Variants in AUTS2 observed in about 807,000 individuals in gnomAD.
AUTS2 encodes the protein activator of transcription and developmental regulator AUTS2.
In AUTS2, 17 loss-of-function variants were observed where a neutral mutation model predicts 112.4. The ratio of observed to expected loss-of-function variants is 0.15; its 90% CI spans 0.10 to 0.23. The LOEUF is 0.23. Ranked by LOEUF, AUTS2 falls within the 10% of genes least tolerant of loss-of-function variation. The pLI is 1.00. For missense variants in AUTS2, 1,510 were observed against 1,701.6 expected, an observed-to-expected ratio of 0.89 and a Z score of 1.98; for synonymous variants, 751 against 702.7, an observed-to-expected ratio of 1.07 and a Z score of -1.09.
At chr7:70,738,687 G>A (rs7803932) in intron 6 of AUTS2, among the ~76,000 whole-genome samples, 23,142 of 151,972 alleles carry the variant, frequency 0.15, 1,900 homozygotes, top group African/African-American at 0.19. Flanking sequence ...CCGGAGGAGC[G>A]GTGACAGTCC....
intron 5 of AUTS2, among the ~76,000 whole-genome samples, chr7:70,648,890 A>T (rs1476592961): frequency 6.6e-6 from 1 of 152,194 alleles, no homozygotes; most frequent in Non-Finnish European, 1.5e-5. Context: ...CCAGCCCTGG[A>T]AGGAACCTTT....
intron 1 of AUTS2, among the ~76,000 whole-genome samples, chr7:69,669,674 T>A (rs2129153058): frequency 6.6e-6 from 1 of 152,322 alleles, no homozygotes; most frequent in Non-Finnish European, 1.5e-5. Context: ...TAACTCTGGC[T>A]TCAAATGCTT....
intron 1 of AUTS2, among the ~76,000 whole-genome samples, chr7:69,803,036 A>G (rs549830892): frequency 6.6e-6 from 1 of 152,306 alleles, no homozygotes; most frequent in African/African-American, 2.4e-5. Flanking sequence ...CGTTGTCCAC[A>G]TGACAGTTTG....
At chr7:70,710,961 T>C (rs1810015397) in intron 6 of AUTS2, among the ~76,000 whole-genome samples, 1 of 152,258 alleles carries the variant, frequency 6.6e-6, no homozygotes, top group African/African-American at 2.4e-5. Flanking sequence ...ATCAGTTTGA[T>C]TTCTACCCCC....
rs548116510 is a variant in AUTS2 at position 69,803,711 on chromosome 7, T to C, written c.310-95575T>C. Among the ~76,000 whole-genome samples the C allele has an allele frequency of 2.0e-5, 3 of 152,330 alleles. No individual in the cohort carries two copies. In the South Asian group the frequency reaches 6.2e-4, roughly 32 times the overall value. The stretch of plus-strand genomic sequence containing the variant: ...TGGCACATGCTTTTCTCTTTGGGAC[T>C]TAACATTTTTCAGAACTCTTTAAAT... On this transcript the variant is annotated intron_variant, in intron 1 of 18. Transcript: ENST00000342771.
At chr7:69,637,120 A>G (rs760222669) in intron 1 of AUTS2, among the ~76,000 whole-genome samples, 1 of 152,136 alleles carries the variant, frequency 6.6e-6, no homozygotes, top group Non-Finnish European at 1.5e-5. Context: ...ATGTACCAAA[A>G]CATATTTAAC....
chr7:69,908,660 G>A (rs567979611), intron 2 of AUTS2, among the ~76,000 whole-genome samples: 3 of 152,298 alleles, frequency 2.0e-5, no homozygotes, highest in South Asian at 2.1e-4. Context: ...CTGCAGTGAC[G>A]CTGATGTAGC....
intron 15 of AUTS2, 197 bp from the exon 16 acceptor site, chr7:70,784,742 TAAA>T (rs71077682): frequency 1.4e-3 from 401 of 280,836 alleles, no homozygotes; most frequent in African/African-American, 2.7e-3. Context: ...TTCTGCTTCC[TAAA>T]AAAAAAAAAA....
At chr7:69,911,432 A>C (rs1171203272) in intron 2 of AUTS2, among the ~76,000 whole-genome samples, 2 of 152,118 alleles carry the variant, frequency 1.3e-5, no homozygotes, top group Non-Finnish European at 2.9e-5. Flanking sequence ...GCAGGGGGGA[A>C]AGTGTGTTTC....
intron 2 of AUTS2, among the ~76,000 whole-genome samples, chr7:70,102,387 G>A (rs894439869): frequency 1.3e-5 from 2 of 151,726 alleles, no homozygotes; most frequent in South Asian, 2.1e-4. Flanking sequence ...CAAAGAGCTG[G>A]GATTACAGGT....
chr7:69,874,841 T>C (rs1214224959), intron 1 of AUTS2, among the ~76,000 whole-genome samples: 2 of 152,082 alleles, frequency 1.3e-5, no homozygotes, highest in East Asian at 3.9e-4. Context: ...TTTGTTTGTT[T>C]TGTATTTTTA....
intron 4 of AUTS2, among the ~76,000 whole-genome samples, chr7:70,172,628 T>C (rs1252312830): frequency 6.6e-6 from 1 of 152,206 alleles, no homozygotes; most frequent in African/African-American, 2.4e-5. Context: ...AAAATATGTA[T>C]ATCTAATGCC....
chr7:70,003,519 A>G (rs1424914720), intron 2 of AUTS2, among the ~76,000 whole-genome samples: 1 of 125,906 alleles, frequency 7.9e-6, no homozygotes, highest in Admixed American at 9.0e-5. Flanking sequence ...ATGTATATAT[A>G]ATATATATGA....
intron 6 of AUTS2, among the ~76,000 whole-genome samples, chr7:70,703,667 G>A (rs1301736202): frequency 6.6e-6 from 1 of 152,112 alleles, no homozygotes; most frequent in African/African-American, 2.4e-5. Context: ...GGGTTTAGTC[G>A]CAGGGAGGAC....
intron 5 of AUTS2, among the ~76,000 whole-genome samples, chr7:70,602,327 C>T (rs942350956): frequency 3.9e-5 from 6 of 152,166 alleles, no homozygotes; most frequent in African/African-American, 1.4e-4. Flanking sequence ...GCTAATGTCA[C>T]CGGTTGGACT....
At chr7:69,914,392 CACAA>C (rs1554403943) in intron 2 of AUTS2, among the ~76,000 whole-genome samples, 1 of 150,760 alleles carries the variant, frequency 6.6e-6, no homozygotes, top group African/African-American at 2.4e-5. Context: ...CACACACACA[CACAA>C]ACAATCCAGA....
At chr7:70,373,071 T>C (rs982139628) in intron 4 of AUTS2, among the ~76,000 whole-genome samples, 8 of 152,060 alleles carry the variant, frequency 5.3e-5, no homozygotes, top group Admixed American at 3.9e-4. Context: ...GCGAGATTGC[T>C]GACATACACT....
intron 6 of AUTS2, among the ~76,000 whole-genome samples, chr7:70,718,977 C>G (rs1363793967): frequency 6.9e-6 from 1 of 144,184 alleles, no homozygotes; most frequent in Non-Finnish European, 1.6e-5. Flanking sequence ...AAGTGATCAT[C>G]CAAGGTTTTT....
rs541627132 is a variant in AUTS2, at chr7:69,601,837, T to G, written c.309+1875T>G. On this transcript the variant is annotated intron_variant, in intron 1 of 18. Coordinates refer to ENST00000342771, the MANE Select transcript of AUTS2 (RefSeq NM_015570.4). Reference sequence around the variant, plus strand: ...GAGTTGAAATGGCAGCATGTTCCTATTAGAACATGCTGCTTGGAATTTGGT... The same window carrying G: ...GAGTTGAAATGGCAGCATGTTCCTAGTAGAACATGCTGCTTGGAATTTGGT... Among the ~76,000 whole-genome samples, 16 of 152,144 alleles carry G rather than the reference T, an allele frequency of 1.1e-4. No individual in the cohort carries two copies. In the South Asian group the frequency reaches 3.3e-3, roughly 32 times the overall value.
Sources: gnomAD v4.1 joint callset for allele counts (sites outside exome capture counted in the v4.1 genomes callset) on GRCh38, gnomAD v4.1.1 for gene constraint, MANE v1.5 for transcripts, NCBI Gene and HGNC (gene_info 2026-07-23, HGNC 2026-07-21) for gene names.